Variants in YTHDF3 observed in about 807,000 individuals in gnomAD.
YTHDF3 encodes YTH N6-methyladenosine RNA binding protein F3, also known as YTH domain-containing family protein 3.
In YTHDF3, 9 loss-of-function variants were observed where a neutral mutation model predicts 52.5. The ratio of observed to expected loss-of-function variants is 0.17; its 90% CI spans 0.10 to 0.30. YTHDF3 has a LOEUF of 0.30. YTHDF3 is among the 10% of genes least tolerant of loss of function. The probability of loss-of-function intolerance (pLI) is 1.00; values close to 1 mark genes in which losing one functional copy is unlikely to be tolerated. For missense variants in YTHDF3, 534 were observed against 715.0 expected (o/e 0.75, Z 2.89); for synonymous variants, 274 against 243.3 (o/e 1.13, Z -1.18).
At chr8:63,206,639 T>C (rs894022169) in intron 4 of YTHDF3, among the ~76,000 whole-genome samples, 1 of 152,224 alleles carries the variant, frequency 6.6e-6, no homozygotes, top group Non-Finnish European at 1.5e-5. Flanking sequence ...TTCAGATTTA[T>C]TGGCATATTA....
intron 4 of YTHDF3, among the ~76,000 whole-genome samples, chr8:63,191,224 T>C (rs1055845207): frequency 2.0e-5 from 3 of 152,222 alleles, no homozygotes; most frequent in African/African-American, 7.2e-5. Context: ...ACAATATGAA[T>C]ATTGTTTTCT....
At chr8:63,186,016 T>G in intron 3 of YTHDF3, 131 bp from the exon 4 acceptor site, 1 of 1,002,550 alleles carries the variant, frequency 1.0e-6, no homozygotes, top group Non-Finnish European at 1.4e-6. Context: ...AAATTTTAAT[T>G]TTGTTTATCT....
chr8:63,198,839 T>G (rs1809405710), intron 4 of YTHDF3, among the ~76,000 whole-genome samples: 2 of 152,202 alleles, frequency 1.3e-5, no homozygotes, highest in Non-Finnish European at 2.9e-5. Context: ...TTTATTATAA[T>G]TAACAGAAAC....
At chr8:63,182,060 G>A (rs1435212753) in intron 3 of YTHDF3, among the ~76,000 whole-genome samples, 1 of 151,488 alleles carries the variant, frequency 6.6e-6, no homozygotes, top group Non-Finnish European at 1.5e-5. Context: ...CAATTTTTGT[G>A]TGTGTGGTTT....
At position 63,168,824 on chromosome 8, in the gene YTHDF3, C is replaced by T; in HGVS notation, c.-54C>T. ...GCGACAGCCAACTGCTGTGAGTGCA[C>T]GGGGAGAGGCCCAGGCAGCGGCGGC... On this transcript the variant is annotated 5_prime_UTR_variant, in exon 1 of 5. The change creates a new upstream start codon in the 5' untranslated region. Transcript: ENST00000539294. 1 of 1,551,098 alleles carries T rather than the reference C, an allele frequency of 6.4e-7. No individual in the cohort carries two copies. Among genetic ancestry groups the T allele is most frequent in the South Asian group, 1.2e-5 (1 of 84,084 alleles).
At chr8:63,188,044 C>T (rs960804345) in intron 4 of YTHDF3, among the ~76,000 whole-genome samples, 2 of 152,196 alleles carry the variant, frequency 1.3e-5, no homozygotes, top group African/African-American at 4.8e-5. Context: ...TGTAACTAAA[C>T]AGACTTCATG....
chr8:63,201,507 C>G (rs1419880094), intron 4 of YTHDF3, among the ~76,000 whole-genome samples: 4 of 152,108 alleles, frequency 2.6e-5, no homozygotes, highest in African/African-American at 7.2e-5. Context: ...CTGTTGGTCT[C>G]TAGTTAATAA....
intron 4 of YTHDF3, among the ~76,000 whole-genome samples, chr8:63,195,954 A>C (rs566498261): frequency 6.6e-6 from 1 of 152,016 alleles, no homozygotes; most frequent in African/African-American, 2.4e-5. Flanking sequence ...GGCATGCGCC[A>C]CCATGCCCAT....
chr8:63,181,293 A>G (rs1808118181), intron 3 of YTHDF3, among the ~76,000 whole-genome samples: 1 of 152,178 alleles, frequency 6.6e-6, no homozygotes, highest in Non-Finnish European at 1.5e-5. Context: ...TCTAACTAGT[A>G]ATTCTATACT....
intron 3 of YTHDF3, among the ~76,000 whole-genome samples, chr8:63,183,350 A>G (rs965778613): frequency 3.3e-5 from 5 of 152,104 alleles, no homozygotes; most frequent in Admixed American, 6.6e-5. Flanking sequence ...TTTTAATCAC[A>G]GTGACTTTTT....
chr8:63,192,113 A>G (rs1808950868), intron 4 of YTHDF3, among the ~76,000 whole-genome samples: 1 of 152,090 alleles, frequency 6.6e-6, no homozygotes, highest in African/African-American at 2.4e-5. Context: ...TCATCCCCCA[A>G]ACCCTCCCTT....
At position 63,209,736 on chromosome 8, in the gene YTHDF3, A is replaced by G. The variant is rs1265887089; in HGVS notation, c.*30A>G. The G allele has an allele frequency of 3.2e-6, 5 of 1,562,788 alleles. No homozygotes were observed. The highest frequency in any genetic ancestry group is 2.4e-5 in the South Asian group (2 of 83,026). ...ATGAAGATGTCCTGTTAAATTTACA[A>G]CACTAACGATGTAGACTCTGGAAAT... On this transcript the variant is annotated 3_prime_UTR_variant, in exon 5 of 5. Coordinates refer to ENST00000539294, the MANE Select transcript of YTHDF3 (RefSeq NM_152758.6).
At chr8:63,172,840 A>G in intron 2 of YTHDF3, 1 of 1,221,260 alleles carries the variant, frequency 8.2e-7, no homozygotes, top group Non-Finnish European at 1.0e-6. Flanking sequence ...AATTTTACAG[A>G]CTATGGAACT....
intron 2 of YTHDF3, among the ~76,000 whole-genome samples, chr8:63,171,659 G>C (rs1807334731): frequency 6.6e-6 from 1 of 152,150 alleles, no homozygotes; most frequent in African/African-American, 2.4e-5. Flanking sequence ...GCCTTAGCTT[G>C]TTCCCAGCTC....
intron 4 of YTHDF3, among the ~76,000 whole-genome samples, chr8:63,189,291 A>C (rs1322154275): frequency 6.6e-6 from 1 of 152,206 alleles, no homozygotes; most frequent in Non-Finnish European, 1.5e-5. Flanking sequence ...GGGCCACAAG[A>C]GTCAGTTCAA....
In YTHDF3 at chr8:63,208,709, CAGAT is replaced by C. The variant is rs1810192295; in HGVS notation, c.1735-972_1735-969del. On this transcript the variant is annotated intron_variant, in intron 4 of 4. Coordinates refer to ENST00000539294, the MANE Select transcript of YTHDF3 (RefSeq NM_152758.6). ...GTCATTTTTTTCATCAGAAGTGTTA[CAGAT>C]AAATACTTGATTTCTAATAAACATT... is the stretch of plus-strand genomic sequence containing the variant. Among the ~76,000 whole-genome samples the C allele has an allele frequency of 2.0e-5, 3 of 152,316 alleles. No individual in the cohort carries two copies. In the South Asian group the frequency reaches 6.2e-4, roughly 32 times the overall value.
Position 63,187,169 on chromosome 8 carries a change from T to C in YTHDF3, c.1158T>C (p.Pro386=), listed in dbSNP as rs759733180. 1 of 1,613,986 alleles carries C rather than the reference T, an allele frequency of 6.2e-7. No homozygotes were observed. The highest frequency in any genetic ancestry group is 8.5e-7 in the Non-Finnish European group (1 of 1,179,876). Residue 386 remains proline, a synonymous_variant, in exon 4 of 5, where the codon CCT becomes CCC. Coordinates refer to ENST00000539294, the MANE Select transcript of YTHDF3 (RefSeq NM_152758.6). ...GTGTTGTACCTGTCAGTGCTTCACC[T>C]TCTAGTGTAGAAGTGCATCCCGTGC... ...GLGVVPVSAS[P]SSVEVHPVLE...
At chr8:63,169,049 C>T (rs1807089186) in intron 1 of YTHDF3, 148 bp downstream of exon 1, 2 of 1,423,926 alleles carry the variant, frequency 1.4e-6, no homozygotes, top group Non-Finnish European at 1.8e-6. Context: ...CTACCCGGGC[C>T]GGGGCGTGCG....
chr8:63,180,444 C>A (rs1335416566), intron 3 of YTHDF3, among the ~76,000 whole-genome samples: 2 of 151,056 alleles, frequency 1.3e-5, no homozygotes, highest in African/African-American at 4.9e-5. Flanking sequence ...CTCCTCACTT[C>A]CTAGATGAGA....
Sources: allele counts gnomAD v4.1 joint callset (sites outside exome capture counted in the v4.1 genomes callset), GRCh38; gene constraint gnomAD v4.1.1; transcripts MANE v1.5; gene names NCBI Gene and HGNC (gene_info 2026-07-23, HGNC 2026-07-21).